Variants in PLXNC1 observed in about 807,000 individuals in gnomAD.
PLXNC1 encodes plexin C1.
A neutral mutation model predicts 178.2 loss-of-function variants in PLXNC1; 75 were observed. The ratio of observed to expected loss-of-function variants is 0.42; its 90% CI spans 0.35 to 0.51. The LOEUF (loss-of-function observed/expected upper bound fraction) is 0.51, where lower values mean the gene tolerates loss of function less well. Ranked by LOEUF, PLXNC1 falls within the 20% of genes least tolerant of loss-of-function variation. PLXNC1 has a pLI of 0.02. For synonymous variants in PLXNC1, 790 were observed against 779.9 expected (o/e 1.01, Z -0.22); for missense variants, 1,503 against 1,984.4 (o/e 0.76, Z 4.61).
At chr12:94,273,166 C>T (rs188643801) in intron 21 of PLXNC1, among the ~76,000 whole-genome samples, 8 of 152,336 alleles carry the variant, frequency 5.3e-5, no homozygotes, top group East Asian at 1.9e-4. Flanking sequence ...ATTCCCAGTA[C>T]GTGATAAGCA....
rs1429589851 is a variant in PLXNC1, at chr12:94,255,184, G to C, written c.2984-9G>C. 1 of 1,605,104 alleles carries C rather than the reference G, an allele frequency of 6.2e-7. No homozygotes were observed. The highest frequency in any genetic ancestry group is 1.3e-5 in the African/African-American group (1 of 74,768). On this transcript the variant is annotated splice_polypyrimidine_tract_variant and intron_variant, in intron 16 of 30. Coordinates refer to ENST00000258526, the MANE Select transcript of PLXNC1 (RefSeq NM_005761.3). ...GTTAAAATATTGCTCTTGGGATTCTGTTTTGCAGGCTTTGCTGAGCTGCAG... is the reference window on the plus strand; with the variant it reads ...GTTAAAATATTGCTCTTGGGATTCTCTTTTGCAGGCTTTGCTGAGCTGCAG...
chr12:94,238,100 GTATATGGAGTAGC>G (rs1964289228), intron 10 of PLXNC1, among the ~76,000 whole-genome samples: 2 of 152,172 alleles, frequency 1.3e-5, no homozygotes, highest in African/African-American at 4.8e-5. Flanking sequence ...ACAAAATCAA[GTATATGGAGTAGC>G]AAACATCATT....
At chr12:94,244,882 T>A (rs767997626) in intron 12 of PLXNC1, among the ~76,000 whole-genome samples, 2 of 152,200 alleles carry the variant, frequency 1.3e-5, no homozygotes, top group Non-Finnish European at 2.9e-5. Flanking sequence ...CCAAGTGTAC[T>A]TGCACACACT....
chr12:94,257,052 A>G (rs970296506), intron 17 of PLXNC1, among the ~76,000 whole-genome samples: 15 of 152,256 alleles, frequency 9.9e-5, no homozygotes, highest in Admixed American at 6.5e-4. Flanking sequence ...AACCCTTTCA[A>G]GAAGACCTAA....
In PLXNC1 at chr12:94,227,289, G is replaced by T; in HGVS notation, c.1980+54G>T. The T allele has an allele frequency of 3.0e-6, 3 of 1,008,936 alleles. No individual in the cohort carries two copies. The South Asian group carries it at 3.9e-5, about 13-fold the overall frequency. 62.5% of individuals were successfully genotyped at this position (1,008,936 alleles called of 1,614,324 possible). On this transcript the variant is annotated intron_variant, in intron 9 of 30. Transcript: ENST00000258526. ...GGAAAACCTGTCTTTGAATGACCAT[G>T]ACCACAACTCATACTACTTTGGGTT...
chr12:94,283,379 G>A (rs1246788805), intron 23 of PLXNC1, among the ~76,000 whole-genome samples: 1 of 152,158 alleles, frequency 6.6e-6, no homozygotes, highest in Non-Finnish European at 1.5e-5. Flanking sequence ...GGGGGAAGGA[G>A]GGCAGTGACA....
chr12:94,243,763 G>A (rs1230212514), intron 11 of PLXNC1, among the ~76,000 whole-genome samples, 175 bp from the exon 12 acceptor site: 2 of 152,126 alleles, frequency 1.3e-5, no homozygotes, highest in East Asian at 3.8e-4. Flanking sequence ...TTTGTGGCTG[G>A]TATCCTGAAA....
At chr12:94,228,179 C>A (rs1267402910) in intron 9 of PLXNC1, among the ~76,000 whole-genome samples, 1 of 152,150 alleles carries the variant, frequency 6.6e-6, no homozygotes, top group Non-Finnish European at 1.5e-5. Context: ...GAATATGAAT[C>A]AAATGGATAT....
intron 4 of PLXNC1, among the ~76,000 whole-genome samples, chr12:94,203,524 A>G (rs748854219): frequency 6.6e-6 from 1 of 152,240 alleles, no homozygotes; most frequent in Non-Finnish European, 1.5e-5. Context: ...ATGTCTTGGA[A>G]GAATCTACTT....
intron 20 of PLXNC1, among the ~76,000 whole-genome samples, chr12:94,263,411 A>C (rs1965058929): frequency 1.3e-5 from 2 of 151,708 alleles, no homozygotes; most frequent in South Asian, 4.2e-4. Context: ...CAGTCTAGCT[A>C]CTCTCCAGAA....
Position 94,149,268 on chromosome 12 carries a change from C to T in PLXNC1, c.297C>T (p.Pro99=), listed in dbSNP as rs1158828202. 2.0e-6 allele frequency: 3 copies of T among 1,531,130 alleles called. No homozygotes were observed. Among genetic ancestry groups the T allele is most frequent in the Admixed American group, 2.1e-5 (1 of 48,326 alleles). 94.8% of individuals were successfully genotyped at this position (1,531,130 alleles called of 1,614,324 possible). A position where few individuals can be genotyped will look rare whatever the true frequency, so the allele number is the denominator to read the frequency against. ...TCTCGCTGGCGCCCCCCGCGCGGCC[C>T]CGGCCCGGGAGCAGCTTCAGCAAGC... ...EPVSLAPPAR[P]RPGSSFSKLL... is the part of the protein sequence containing the mutation. The change falls in exon 1 of 31, where the codon CCC becomes CCT. Residue 99 remains proline, a synonymous_variant. Coordinates refer to ENST00000258526, the MANE Select transcript of PLXNC1 (RefSeq NM_005761.3).
At chr12:94,188,667 C>T (rs1962611685) in intron 4 of PLXNC1, among the ~76,000 whole-genome samples, 3 of 152,156 alleles carry the variant, frequency 2.0e-5, no homozygotes, top group Non-Finnish European at 4.4e-5. Flanking sequence ...TGCATGTCTG[C>T]ACTGTTGGGA....
At position 94,251,440 on chromosome 12, in the gene PLXNC1, C is replaced by T. The variant is rs749062605; in HGVS notation, c.2793C>T (p.Asn931=). The change falls in exon 15 of 31, where the codon AAC becomes AAT. Residue 931 remains asparagine (N), a synonymous_variant. Transcript: ENST00000258526. ...TGTCCCATCAGGTCAAGCTGGGAAA[C>T]CTGGAGCTCTACGTCGAGCAGGAGT... is the stretch of plus-strand genomic sequence containing the variant. ...SSKKVRVKLG[N]LELYVEQESV... is the part of the protein sequence containing the mutation. 9 of 1,610,890 alleles carry T rather than the reference C, an allele frequency of 5.6e-6. No homozygotes were observed. Among genetic ancestry groups the T allele is most frequent in the Non-Finnish European group, 6.8e-6 (8 of 1,177,012 alleles).
At chr12:94,215,266 AAAC>A (rs1279756211) in intron 5 of PLXNC1, among the ~76,000 whole-genome samples, 1 of 152,236 alleles carries the variant, frequency 6.6e-6, no homozygotes, top group Non-Finnish European at 1.5e-5. Context: ...AGAAAAATAA[AAAC>A]AAAAATACAC....
Position 94,306,773 on chromosome 12 carries a change from G to A in PLXNC1, c.*1488G>A, listed in dbSNP as rs528679842. 1.3e-5 allele frequency: 2 copies of A among 151,644 alleles called. No homozygotes were observed. Among genetic ancestry groups the A allele is most frequent in the African/African-American group, 4.9e-5 (2 of 40,910 alleles). The allele number at this position is 151,644 out of a possible 1,614,324, so 9.4% of individuals were successfully genotyped here. On this transcript the variant is annotated 3_prime_UTR_variant, in exon 31 of 31. Coordinates refer to ENST00000258526, the MANE Select transcript of PLXNC1 (RefSeq NM_005761.3). ...GCTTCTGTATTATCTGGAAAAGCAT[G>A]AGAGAGGTGACACCTCAACAAACTG... is the stretch of plus-strand genomic sequence containing the variant.
chr12:94,169,113 A>C (rs528079638), intron 1 of PLXNC1, 40 bp from the exon 2 acceptor site: 1 of 1,565,404 alleles, frequency 6.4e-7, no homozygotes, highest in Admixed American at 1.8e-5. Flanking sequence ...TGTTGTTAAA[A>C]ATTATTATTA....
Position 94,282,349 on chromosome 12 carries a change from C to T in PLXNC1, c.3827C>T (p.Ser1276Phe). 1.9e-6 allele frequency: 3 copies of T among 1,614,104 alleles called. No individual in the cohort carries two copies. Among genetic ancestry groups the T allele is most frequent in the Non-Finnish European group, 2.5e-6 (3 of 1,179,920 alleles). ...QKELLDIDSS[S>F]VILEDGITKL... ...GAACTTCTGGACATCGACAGTTCCT[C>T]CGTGATTCTTGAAGATGGAATCACC... The change falls in exon 23 of 31, where the codon TCC becomes TTC. Residue 1276 changes from serine (S) to phenylalanine (F), a missense_variant. Physicochemically the swap from Ser to Phe is radical, Grantham distance 155. Coordinates refer to ENST00000258526, the MANE Select transcript of PLXNC1 (RefSeq NM_005761.3).
intron 2 of PLXNC1, among the ~76,000 whole-genome samples, chr12:94,170,280 C>T (rs190242125): frequency 3.1e-4 from 47 of 152,244 alleles, no homozygotes; most frequent in South Asian, 6.2e-4. Flanking sequence ...CCCAGAAAAA[C>T]GCTTTCCTCT....
intron 2 of PLXNC1, among the ~76,000 whole-genome samples, chr12:94,177,781 TA>T (rs1367732102): frequency 6.6e-6 from 1 of 152,148 alleles, no homozygotes; most frequent in African/African-American, 2.4e-5. Flanking sequence ...AAGCCCCCAA[TA>T]AAAACTGCAG....
Sources: allele counts gnomAD v4.1 joint callset (sites outside exome capture counted in the v4.1 genomes callset), GRCh38; gene constraint gnomAD v4.1.1; transcripts MANE v1.5; gene names NCBI Gene and HGNC (gene_info 2026-07-23, HGNC 2026-07-21).